Variants in DNAH10 observed in about 807,000 individuals in gnomAD.
DNAH10 encodes the protein axonemal beta dynein heavy chain 10.
In DNAH10, 348 loss-of-function variants were observed where a neutral mutation model predicts 506.6. The observed-to-expected ratio is 0.69, with a 90% CI of 0.63 to 0.75. DNAH10 has a LOEUF of 0.75. DNAH10 is among the 30% of genes least tolerant of loss of function. The pLI is 0.00. For synonymous variants in DNAH10, 2,059 were observed against 2,198.6 expected, an observed-to-expected ratio of 0.94 and a Z score of 1.78; for missense variants, 5,179 against 5,787.1, an observed-to-expected ratio of 0.89 and a Z score of 3.41.
chr12:123,875,355 C>T lies in DNAH10; in HGVS notation c.8063C>T (p.Ala2688Val), dbSNP rs1209070487. ...ATTCGAGACCTTGGCTTTATTGCTG[C>T]AATGGGAAAGGCTGGAGGAGGCCGC... ...KSIRDLGFIA[A>V]MGKAGGGRNE... Residue 2688 changes from alanine (A) to valine (V), a missense_variant, in exon 47 of 79, where the codon GCA becomes GTA. Physicochemically the swap from Ala to Val is moderately conservative, Grantham distance 64. This residue lies in a region of DNAH10 where 4,844 missense variants were observed against 5,430.5 expected (regional missense o/e 0.89). Transcript: ENST00000673944. The T allele has an allele frequency of 3.7e-6, 6 of 1,613,984 alleles. No homozygotes were observed. In the South Asian group the frequency reaches 6.6e-5, roughly 18 times the overall value.
chr12:123,780,206 G>A (rs566781047), intron 5 of DNAH10, among the ~76,000 whole-genome samples: 3 of 126,952 alleles, frequency 2.4e-5, no homozygotes, highest in African/African-American at 8.9e-5. Context: ...TTGCTCTATC[G>A]CCCAGGTTGG....
Position 123,931,322 on chromosome 12 carries a change from T to C in DNAH10, c.12785-19T>C, listed in dbSNP as rs1282839377. ...AGGTGGCTGGACAGTGCCACCTCCG[T>C]TGTTCTCTGTGATTGCAGAAGCCAT... On this transcript the variant is annotated intron_variant, in intron 73 of 78. Coordinates refer to ENST00000673944, the MANE Select transcript of DNAH10 (RefSeq NM_001372106.1). 6 of 1,612,628 alleles carry C rather than the reference T, an allele frequency of 3.7e-6. No individual in the cohort carries two copies. Among genetic ancestry groups the C allele is most frequent in the Non-Finnish European group, 4.2e-6 (5 of 1,179,710 alleles).
intron 5 of DNAH10, among the ~76,000 whole-genome samples, chr12:123,775,542 C>T (rs966540141): frequency 6.6e-6 from 1 of 152,134 alleles, no homozygotes; most frequent in Non-Finnish European, 1.5e-5. Context: ...GCCAAGGCAT[C>T]AGACATGATA....
chr12:123,767,241 C>T (rs913373935), intron 1 of DNAH10, among the ~76,000 whole-genome samples: 4 of 152,154 alleles, frequency 2.6e-5, no homozygotes, highest in African/African-American at 4.8e-5. Context: ...AACATACACA[C>T]GGCCTGCAAT....
At chr12:123,825,127 G>A (rs1959832030) in intron 24 of DNAH10, among the ~76,000 whole-genome samples, 1 of 152,142 alleles carries the variant, frequency 6.6e-6, no homozygotes, top group Non-Finnish European at 1.5e-5. Context: ...CCAGGAGGTA[G>A]GACTGGCCAA....
intron 11 of DNAH10, 99 bp downstream of exon 11, chr12:123,790,220 T>TA (rs397717947): frequency 1.4e-5 from 17 of 1,247,140 alleles, no homozygotes; most frequent in Admixed American, 2.3e-5. Context: ...TCTTTTTTTT[T>TA]AAATCACAAG....
intron 38 of DNAH10, among the ~76,000 whole-genome samples, 166 bp downstream of exon 38, chr12:123,859,434 C>T (rs1951530631): frequency 6.6e-6 from 1 of 152,172 alleles, no homozygotes; most frequent in Admixed American, 6.5e-5. Context: ...TTATTGCAGA[C>T]TTAGTTAAGA....
In DNAH10 at chr12:123,799,280, T is replaced by C. The variant is rs764627936; in HGVS notation, c.2198T>C (p.Met733Thr). 21 of 1,613,318 alleles carry C rather than the reference T, an allele frequency of 1.3e-5. No homozygotes were observed. The highest frequency in any genetic ancestry group is 1.6e-5 in the Non-Finnish European group (19 of 1,179,552). Residue 733 changes from methionine (M) to threonine (T), a missense_variant, in exon 14 of 79, where the codon ATG (methionine) becomes ACG (threonine). This residue lies in a region of DNAH10 where 4,844 missense variants were observed against 5,430.5 expected (regional missense o/e 0.89). Transcript: ENST00000673944. ...KQKYLEVGRT[M>T]KEYEDRKYEQ... ...AAATATTTGGAAGTAGGTAGGACAA[T>C]GAAGGAGTATGAAGACAGAAAGTAT...
chr12:123,783,899 C>A, intron 7 of DNAH10, 48 bp from the exon 8 acceptor site: 1 of 1,538,364 alleles, frequency 6.5e-7, no homozygotes, highest in Non-Finnish European at 9.0e-7. Flanking sequence ...TAAGTGTCTG[C>A]TCCACCCTAA....
chr12:123,864,169 G>A (rs117617389), intron 39 of DNAH10, among the ~76,000 whole-genome samples: 3,967 of 126,994 alleles, frequency 0.031, 120 homozygotes, highest in African/African-American at 0.081. Flanking sequence ...TTTTTGAGAC[G>A]GGGTCTTGCA....
At chr12:123,934,857 T>A (rs1293496020) in intron 78 of DNAH10, 91 bp downstream of exon 78, 2 of 1,516,810 alleles carry the variant, frequency 1.3e-6, no homozygotes, top group Non-Finnish European at 8.9e-7. Context: ...GTCCTACTTT[T>A]TAAAACAGGG....
In DNAH10 at chr12:123,767,615, C is replaced by T. The variant is rs1436513606; in HGVS notation, c.224C>T (p.Pro75Leu). Residue 75 changes from proline to leucine, a missense_variant, in exon 2 of 79, where the codon CCT becomes CTT. By Grantham distance (98) the Pro-to-Leu change is moderately conservative. Coordinates refer to ENST00000673944, the MANE Select transcript of DNAH10 (RefSeq NM_001372106.1). Reference sequence around the variant, plus strand: ...TTATGTGGCCATAAAGATGAGATACCTGTCCTGTCTGAAGAGGGAGAAGAG... The same window carrying T: ...TTATGTGGCCATAAAGATGAGATACTTGTCCTGTCTGAAGAGGGAGAAGAG... ...EEVEVEIDEI[P>L]VLSEEGEEEE... The T allele has an allele frequency of 1.2e-6, 2 of 1,612,228 alleles. No homozygotes were observed. The highest frequency in any genetic ancestry group is 1.3e-5 in the African/African-American group (1 of 74,982).
At chr12:123,786,931 A>G (rs1283055270) in intron 9 of DNAH10, among the ~76,000 whole-genome samples, 1 of 152,110 alleles carries the variant, frequency 6.6e-6, no homozygotes, top group African/African-American at 2.4e-5. Context: ...TGAGGTCAGG[A>G]GTTCAAGACC....
At chr12:123,883,071 A>G (rs138169535) in intron 51 of DNAH10, among the ~76,000 whole-genome samples, 123 of 151,802 alleles carry the variant, frequency 8.1e-4, no homozygotes, top group African/African-American at 2.9e-3. Flanking sequence ...TTTTTTGCCA[A>G]ATAGGAGGCC....
rs185819487 is a variant in DNAH10 at position 123,898,799 on chromosome 12, G to A, written c.9625G>A (p.Val3209Ile). 3.4e-5 allele frequency: 54 copies of A among 1,609,816 alleles called. No homozygotes were observed. The highest frequency in any genetic ancestry group is 2.9e-4 in the African/African-American group (22 of 74,930). The change falls in exon 56 of 79, where the codon GTC becomes ATC. Residue 3209 changes from valine to isoleucine, a missense_variant. Val to Ile is a conservative substitution (Grantham distance 29). This residue lies in a region of DNAH10 where 4,844 missense variants were observed against 5,430.5 expected (regional missense o/e 0.89). Transcript: ENST00000673944. ...ACEALLEEIA[V>I]NTAVAEEKKK... ...CGAGGCCTTGCTGGAGGAGATCGCC[G>A]TCAACACCGCTGTAGGTGAGTGAGG...
At chr12:123,832,229 T>C (rs1037749645) in intron 26 of DNAH10, among the ~76,000 whole-genome samples, 2 of 152,112 alleles carry the variant, frequency 1.3e-5, no homozygotes, top group Admixed American at 1.3e-4. Flanking sequence ...ATACACATAA[T>C]GTACACACAG....
At position 123,931,323 on chromosome 12, in the gene DNAH10, T is replaced by C. The variant is rs771523288; in HGVS notation, c.12785-18T>C. 2 of 1,612,912 alleles carry C rather than the reference T, an allele frequency of 1.2e-6. No homozygotes were observed. The highest frequency in any genetic ancestry group is 1.7e-6 in the Non-Finnish European group (2 of 1,179,748). On this transcript the variant is annotated intron_variant, in intron 73 of 78. Coordinates refer to ENST00000673944, the MANE Select transcript of DNAH10 (RefSeq NM_001372106.1). ...GGTGGCTGGACAGTGCCACCTCCGT[T>C]GTTCTCTGTGATTGCAGAAGCCATC...
At position 123,914,563 on chromosome 12, in the gene DNAH10, C is replaced by T; in HGVS notation, c.10574+13C>T. On this transcript the variant is annotated intron_variant, in intron 61 of 78. Coordinates refer to ENST00000673944, the MANE Select transcript of DNAH10 (RefSeq NM_001372106.1). The stretch of plus-strand genomic sequence containing the variant: ...TTGAGATCAGCAGGTGTGTGGCACC[C>T]TGAGCCAGCAGGAGGGAGGGGACAC... The T allele has an allele frequency of 6.2e-7, 1 of 1,609,528 alleles. No individual in the cohort carries two copies. The highest frequency in any genetic ancestry group is 8.5e-7 in the Non-Finnish European group (1 of 1,177,910).
chr12:123,792,579 CCTT>C (rs1359894706), intron 11 of DNAH10, among the ~76,000 whole-genome samples: 18 of 151,664 alleles, frequency 1.2e-4, no homozygotes, highest in South Asian at 6.2e-4. Context: ...CTTGCCTTGG[CCTT>C]CTGAGTAGCT....
Sources: allele counts gnomAD v4.1 joint callset (sites outside exome capture counted in the v4.1 genomes callset), GRCh38; gene constraint gnomAD v4.1.1; regional missense constraint gnomAD v4.1.1; transcripts MANE v1.5; gene names NCBI Gene and HGNC (gene_info 2026-07-23, HGNC 2026-07-21).